The following SCAF8 variants were observed in gnomAD, a reference collection of about 807,000 sequenced individuals.
The protein encoded by SCAF8 is SR-related and CTD-associated factor 8.
In SCAF8, 23 loss-of-function variants were observed where a neutral mutation model predicts 140.5. That is an observed-to-expected ratio of 0.16 (90% CI 0.12 to 0.23). SCAF8 has a LOEUF of 0.23. Among genes scored for constraint, SCAF8 ranks in the 10% least tolerant of loss-of-function variants. The pLI is 1.00. For synonymous variants in SCAF8, 575 were observed against 528.9 expected (o/e 1.09, Z -1.20); for missense variants, 1,397 against 1,555.7 (o/e 0.90, Z 1.72).
intron 16 of SCAF8, among the ~76,000 whole-genome samples, chr6:154,823,380 G>GT (rs1778476562): frequency 6.6e-6 from 1 of 152,190 alleles, no homozygotes. Context: ...TTAAAAGACA[G>GT]TTGTAGCAAT....
At chr6:154,782,026 G>A (rs1203970586) in intron 3 of SCAF8, among the ~76,000 whole-genome samples, 1 of 152,048 alleles carries the variant, frequency 6.6e-6, no homozygotes, top group African/African-American at 2.4e-5. Flanking sequence ...TTTCCTTTAG[G>A]CCAAGAAAAC....
At chr6:154,827,951 C>T (rs1778618314) in intron 18 of SCAF8, among the ~76,000 whole-genome samples, 1 of 152,034 alleles carries the variant, frequency 6.6e-6, no homozygotes, top group Non-Finnish European at 1.5e-5. Flanking sequence ...CTTGCACAGG[C>T]TCTCATTATC....
intron 11 of SCAF8, among the ~76,000 whole-genome samples, chr6:154,809,500 T>C (rs1358736271): frequency 6.6e-6 from 1 of 152,198 alleles, no homozygotes; most frequent in Non-Finnish European, 1.5e-5. Flanking sequence ...GCTGAAGATA[T>C]CTTCATTTGT....
chr6:154,811,454 A>G (rs1778087619), intron 12 of SCAF8, among the ~76,000 whole-genome samples: 1 of 151,380 alleles, frequency 6.6e-6, no homozygotes, highest in Admixed American at 6.6e-5. Flanking sequence ...TCTGGGATAC[A>G]TGTGCTGAAC....
At chr6:154,737,964 C>G (rs1285199022) in intron 1 of SCAF8, among the ~76,000 whole-genome samples, 1 of 151,984 alleles carries the variant, frequency 6.6e-6, no homozygotes, top group East Asian at 1.9e-4. Flanking sequence ...ATTTTGTCAC[C>G]CCCATCTTTT....
intron 17 of SCAF8, among the ~76,000 whole-genome samples, chr6:154,824,595 C>T (rs577551137): frequency 6.6e-6 from 1 of 152,074 alleles, no homozygotes; most frequent in African/African-American, 2.4e-5. Flanking sequence ...TCTCAGGATG[C>T]AGATTGGTGG....
At position 154,832,826 on chromosome 6, in the gene SCAF8, G is replaced by T; in HGVS notation, c.3247G>T (p.Asp1083Tyr). 6.2e-7 allele frequency: 1 copy of T among 1,614,046 alleles called. No individual in the cohort carries two copies. The highest frequency in any genetic ancestry group is 1.1e-5 in the South Asian group (1 of 91,068). The change falls in exon 20 of 20, where the codon GAC becomes TAC. Residue 1083 changes from aspartate to tyrosine, a missense_variant. Physicochemically the swap from Asp to Tyr is radical, Grantham distance 160. Transcript: ENST00000367178. ...RPGIDHLGRR[D>Y]HFGFNPEKPW... ...AGGTATAGATCATCTTGGTCGAAGA[G>T]ACCACTTTGGCTTTAATCCAGAGAA...
chr6:154,767,525 T>G, intron 1 of SCAF8, among the ~76,000 whole-genome samples: 1 of 128,650 alleles, frequency 7.8e-6, no homozygotes, highest in Non-Finnish European at 1.6e-5. Flanking sequence ...GCTGCTTCTG[T>G]TATCTTTTTT....
intron 4 of SCAF8, among the ~76,000 whole-genome samples, chr6:154,791,453 G>A (rs1245103709): frequency 6.6e-6 from 1 of 152,070 alleles, no homozygotes; most frequent in Non-Finnish European, 1.5e-5. Flanking sequence ...TTATAGTATC[G>A]CTATAAGAAG....
intron 18 of SCAF8, among the ~76,000 whole-genome samples, chr6:154,828,036 C>T (rs182514399): frequency 6.6e-6 from 1 of 152,218 alleles, no homozygotes; most frequent in African/African-American, 2.4e-5. Context: ...ACCCAAAGTC[C>T]TTAGTTTGCA....
chr6:154,833,354 A>C lies in SCAF8; in HGVS notation c.3775A>C (p.Ser1259Arg). 2 of 1,613,868 alleles carry C rather than the reference A, an allele frequency of 1.2e-6. No individual in the cohort carries two copies. The highest frequency in any genetic ancestry group is 1.7e-6 in the Non-Finnish European group (2 of 1,179,908). ...GAGTGACACAGTTGCTGATATAGAA[A>C]GTGAACCAGTGGTAGAAAGCACAGA... is the stretch of plus-strand genomic sequence containing the variant. ...EKSDTVADIE[S>R]EPVVESTETE... Residue 1259 changes from serine to arginine, a missense_variant, in exon 20 of 20, where the codon AGT (serine) becomes CGT (arginine). Physicochemically the swap from Ser to Arg is moderately radical, Grantham distance 110. Coordinates refer to ENST00000367178, the MANE Select transcript of SCAF8 (RefSeq NM_014892.5).
intron 1 of SCAF8, among the ~76,000 whole-genome samples, chr6:154,757,414 G>A (rs1778994899): frequency 6.6e-6 from 1 of 152,212 alleles, no homozygotes; most frequent in African/African-American, 2.4e-5. Flanking sequence ...CATCAGTTAT[G>A]GCTTTGGCAT....
chr6:154,801,897 TA>T, intron 6 of SCAF8, 73 bp from the exon 7 acceptor site: 2 of 956,726 alleles, frequency 2.1e-6, no homozygotes, highest in Non-Finnish European at 3.1e-6. Flanking sequence ...TTTTACTGAC[TA>T]AAAGTTTTAG....
At chr6:154,827,832 GGCGGGGGGGGGGGCGGT>G (rs1778609268) in intron 18 of SCAF8, among the ~76,000 whole-genome samples, 4 of 131,276 alleles carry the variant, frequency 3.0e-5, no homozygotes, top group Admixed American at 2.4e-4. Context: ...TTTGGGGCGG[GGCGGGGGGGGGGGCGGT>G]GTAAAACTTT....
At chr6:154,816,644 A>G (rs1489055285) in intron 13 of SCAF8, among the ~76,000 whole-genome samples, 1 of 152,134 alleles carries the variant, frequency 6.6e-6, no homozygotes, top group Non-Finnish European at 1.5e-5. Context: ...CAGGCGTCTG[A>G]TTTCATTCCC....
Position 154,827,250 on chromosome 6 carries a change from C to G in SCAF8, c.2140+10C>G, listed in dbSNP as rs184103324. The G allele has an allele frequency of 6.3e-7, 1 of 1,582,124 alleles. No homozygotes were observed. Among genetic ancestry groups the G allele is most frequent in the East Asian group, 2.3e-5 (1 of 43,646 alleles). On this transcript the variant is annotated intron_variant, in intron 18 of 19. Coordinates refer to ENST00000367178, the MANE Select transcript of SCAF8 (RefSeq NM_014892.5). Reference sequence around the variant, plus strand: ...CCAGTAGTACCAACATGTAAGTTTTCTACTTTTAGAGTTTTCTTTATTCAT... The same window carrying G: ...CCAGTAGTACCAACATGTAAGTTTTGTACTTTTAGAGTTTTCTTTATTCAT...
intron 6 of SCAF8, among the ~76,000 whole-genome samples, chr6:154,798,673 C>A (rs941477383): frequency 1.3e-5 from 2 of 151,442 alleles, no homozygotes; most frequent in Admixed American, 6.6e-5. Context: ...TCTACCCTTA[C>A]CCCACAACAG....
At chr6:154,766,684 T>TG (rs1776579381) in intron 1 of SCAF8, among the ~76,000 whole-genome samples, 1 of 139,464 alleles carries the variant, frequency 7.2e-6, no homozygotes, top group African/African-American at 2.6e-5. Context: ...TTTTTTTTTT[T>TG]GCTATATCCA....
rs756760142 is a variant in SCAF8 at position 154,832,730 on chromosome 6, C to T, written c.3151C>T (p.Arg1051Trp). The change falls in exon 20 of 20, where the codon CGG becomes TGG. Residue 1051 changes from arginine to tryptophan, a missense_variant. Physicochemically the swap from Arg to Trp is moderately radical, Grantham distance 101 (BLOSUM62 -3). Coordinates refer to ENST00000367178, the MANE Select transcript of SCAF8 (RefSeq NM_014892.5). ...TATAGATCCAAGAGAAGGTCCTGGACGGCCTCCACTAGATGGTAGGGATCA... is the reference window on the plus strand; with the variant it reads ...TATAGATCCAAGAGAAGGTCCTGGATGGCCTCCACTAGATGGTAGGGATCA... ...RPIDPREGPG[R>W]PPLDGRDHFG... 66 of 1,613,704 alleles carry T rather than the reference C, an allele frequency of 4.1e-5. No individual in the cohort carries two copies. The highest frequency in any genetic ancestry group is 3.1e-4 in the African/African-American group (23 of 74,840).
Sources: gnomAD v4.1 joint callset for allele counts (sites outside exome capture counted in the v4.1 genomes callset) on GRCh38, gnomAD v4.1.1 for gene constraint, MANE v1.5 for transcripts, NCBI Gene and HGNC (gene_info 2026-07-23, HGNC 2026-07-21) for gene names.